EXTL3: variants seen among roughly 807,000 people sequenced by gnomAD.
The protein encoded by EXTL3 is exostosin like glycosyltransferase 3.
EXTL3 carries 27 observed loss-of-function variants against 69.3 expected under a neutral mutation model. That is an observed-to-expected ratio of 0.39 (90% CI 0.29 to 0.54). The LOEUF (loss-of-function observed/expected upper bound fraction) is 0.54, where lower values mean the gene tolerates loss of function less well. Among genes scored for constraint, EXTL3 ranks in the 20% least tolerant of loss-of-function variants. The probability of loss-of-function intolerance (pLI) is 0.69; values close to 1 mark genes in which losing one functional copy is unlikely to be tolerated. For synonymous variants in EXTL3, 511 were observed against 499.4 expected (o/e 1.02, Z -0.31); for missense variants, 1,003 against 1,231.8 (o/e 0.81, Z 2.78).
In EXTL3 at chr8:28,685,290, A is replaced by T. The variant is rs114842526; in HGVS notation, c.-52-28167A>T. On this transcript the variant is annotated intron_variant, in intron 1 of 6. Transcript: ENST00000523149. ...TAGCAGTTTTTTTTAATGCCAATTT[A>T]ACATCCAATCCAGGATCACACATCG... Among the ~76,000 whole-genome samples the T allele has an allele frequency of 2.7e-3, 413 of 151,996 alleles. 2 individuals carry two copies. Among genetic ancestry groups the T allele is most frequent in the African/African-American group, 9.5e-3 (393 of 41,462 alleles).
intron 5 of EXTL3, chr8:28,742,616 CG>C: frequency 4.5e-6 from 1 of 222,582 alleles, no homozygotes; most frequent in South Asian, 6.9e-5. Context: ...GGGCCGATGG[CG>C]AGTACTGACC....
chr8:28,738,862 G>A (rs991185789), intron 5 of EXTL3, among the ~76,000 whole-genome samples: 2 of 152,168 alleles, frequency 1.3e-5, no homozygotes, highest in Non-Finnish European at 2.9e-5. Context: ...TTTTCATCGT[G>A]CCCTGACAGT....
In EXTL3 at chr8:28,717,460, G is replaced by A. The variant is rs1774163463; in HGVS notation, c.1401G>A (p.Gln467=). The change falls in exon 3 of 7, where the codon CAG becomes CAA. Residue 467 remains glutamine, a synonymous_variant. Coordinates refer to ENST00000220562, the MANE Select transcript of EXTL3 (RefSeq NM_001440.4). This position sits in a 1 kb window ranked among gnomAD's most constrained non-coding sequence, Gnocchi z 8.3. ...CCGTCCCGGTGGTGCTGGGGGAGCA[G>A]GTCCAGCTTCCCTACCAGGACATGC... ...VGAVPVVLGE[Q]VQLPYQDMLQ... 6.2e-7 allele frequency: 1 copy of A among 1,614,102 alleles called. No individual in the cohort carries two copies. Among genetic ancestry groups the A allele is most frequent in the African/African-American group, 1.3e-5 (1 of 74,938 alleles).
chr8:28,666,223 G>A (rs1187514084), intron 1 of EXTL3, among the ~76,000 whole-genome samples: 2 of 152,104 alleles, frequency 1.3e-5, no homozygotes, highest in African/African-American at 4.8e-5. Context: ...AACTCCGGAA[G>A]GTTCTTTCTT....
At chr8:28,693,004 T>A (rs1800635945) in intron 1 of EXTL3, among the ~76,000 whole-genome samples, 1 of 152,196 alleles carries the variant, frequency 6.6e-6, no homozygotes, top group Non-Finnish European at 1.5e-5. Context: ...AGGGTAAATG[T>A]TAGATGCCTT....
chr8:28,675,355 C>T (rs1295267193), intron 1 of EXTL3, among the ~76,000 whole-genome samples: 1 of 152,184 alleles, frequency 6.6e-6, no homozygotes, highest in Non-Finnish European at 1.5e-5. Context: ...CATCAAGGCA[C>T]CAAAATGTCT....
At chr8:28,713,275 CCCTTT>C (rs1801068700) in intron 1 of EXTL3, among the ~76,000 whole-genome samples, 177 bp from the exon 2 acceptor site, 1 of 152,126 alleles carries the variant, frequency 6.6e-6, no homozygotes, top group Non-Finnish European at 1.5e-5. Context: ...TTAATAGTCT[CCCTTT>C]CCACTTCAAA....
At chr8:28,635,267 A>G (rs1326909406) in intron 1 of EXTL3, among the ~76,000 whole-genome samples, 1 of 152,012 alleles carries the variant, frequency 6.6e-6, no homozygotes, top group Non-Finnish European at 1.5e-5. Flanking sequence ...TAAAAGACAG[A>G]AAACACTAAG....
intron 1 of EXTL3, chr8:28,686,014 T>G (rs1489181275): frequency 6.6e-6 from 1 of 151,940 alleles, no homozygotes; most frequent in Non-Finnish European, 1.5e-5. Flanking sequence ...TACAGGTGAC[T>G]GCCACCATGC....
chr8:28,615,526 T>G (rs758490734), intron 2 of EXTL3, among the ~76,000 whole-genome samples: 24 of 152,196 alleles, frequency 1.6e-4, no homozygotes, highest in Non-Finnish European at 2.1e-4. Context: ...ATAATTTTCC[T>G]TTCTCAAAAG....
At chr8:28,627,480 C>A (rs1230346381) in intron 1 of EXTL3, among the ~76,000 whole-genome samples, 13 of 142,706 alleles carry the variant, frequency 9.1e-5, no homozygotes, top group African/African-American at 3.3e-4. Context: ...CTGGGTGAGA[C>A]CCTGTCTCAA....
chr8:28,702,610 C>G (rs1024049078), intron 1 of EXTL3, among the ~76,000 whole-genome samples: 4 of 95,328 alleles, frequency 4.2e-5, no homozygotes, highest in Admixed American at 1.6e-4. Flanking sequence ...CTGGATTTTT[C>G]TTCCCTTTTT....
chr8:28,681,720 A>C (rs777223241), intron 1 of EXTL3, among the ~76,000 whole-genome samples: 1 of 152,234 alleles, frequency 6.6e-6, no homozygotes, highest in South Asian at 2.1e-4. Flanking sequence ...AGGAGTCTCC[A>C]TACTGTTTTT....
chr8:28,680,622 A>G (rs1807470034), intron 1 of EXTL3, among the ~76,000 whole-genome samples: 1 of 152,160 alleles, frequency 6.6e-6, no homozygotes, highest in Non-Finnish European at 1.5e-5. Flanking sequence ...CAATTTATAA[A>G]TATACATTAA....
At chr8:28,672,521 T>C (rs1446472500) in intron 1 of EXTL3, among the ~76,000 whole-genome samples, 2 of 152,152 alleles carry the variant, frequency 1.3e-5, no homozygotes, top group African/African-American at 4.8e-5. Flanking sequence ...GTAGCAATTG[T>C]ACTCTTGAAT....
upstream of EXTL3, among the ~76,000 whole-genome samples, chr8:28,621,639 T>G (rs1806410390): frequency 6.6e-6 from 1 of 152,268 alleles, no homozygotes; most frequent in Non-Finnish European, 1.5e-5. Context: ...GGATCACTTT[T>G]TATAATTATT....
intron 3 of EXTL3, among the ~76,000 whole-genome samples, chr8:28,722,249 T>C (rs1284972086): frequency 6.6e-6 from 1 of 152,104 alleles, no homozygotes; most frequent in Non-Finnish European, 1.5e-5. Context: ...GGTTAGGAAG[T>C]CTGGGTTTTA....
chr8:28,682,974 A>G (rs1476109523), intron 1 of EXTL3, among the ~76,000 whole-genome samples: 1 of 152,170 alleles, frequency 6.6e-6, no homozygotes, highest in Non-Finnish European at 1.5e-5. Context: ...ATTCTTTTGA[A>G]TGTGGATATC....
chr8:28,743,016 A>G (rs1585296689), intron 5 of EXTL3, 70 bp from the exon 6 acceptor site: 2 of 1,583,616 alleles, frequency 1.3e-6, no homozygotes, highest in East Asian at 2.2e-5. Flanking sequence ...CCATCCATGC[A>G]TATTTTGGCT....
Sources: allele counts gnomAD v4.1 joint callset (sites outside exome capture counted in the v4.1 genomes callset), GRCh38; gene constraint gnomAD v4.1.1; non-coding constraint Gnocchi (gnomAD v3.1); transcripts MANE v1.5; gene names NCBI Gene and HGNC (gene_info 2026-07-23, HGNC 2026-07-21).